Variants in SRGAP3 observed in about 807,000 individuals in gnomAD.
SRGAP3 encodes the protein SLIT-ROBO Rho GTPase activating protein 3.
Under a neutral mutation model 121.1 loss-of-function variants are expected in SRGAP3, and 39 were observed. That is an observed-to-expected ratio of 0.32 (90% CI 0.25 to 0.42). The LOEUF is 0.42. Ranked by LOEUF, SRGAP3 falls within the 10% of genes least tolerant of loss-of-function variation. SRGAP3 has a pLI of 1.00. For missense variants in SRGAP3, 1,213 were observed against 1,470.6 expected (o/e 0.82, Z 2.86); for synonymous variants, 601 against 570.0 (o/e 1.05, Z -0.77).
intron 1 of SRGAP3, among the ~76,000 whole-genome samples, chr3:9,173,841 T>C (rs771407070): frequency 1.3e-5 from 2 of 152,232 alleles, no homozygotes; most frequent in Non-Finnish European, 2.9e-5. Flanking sequence ...AAACATCTAT[T>C]GGTGTTTGCT....
chr3:9,360,008 C>T (rs2030709397), intron 1 of SRGAP3, among the ~76,000 whole-genome samples: 1 of 152,208 alleles, frequency 6.6e-6, no homozygotes, highest in African/African-American at 2.4e-5. Flanking sequence ...TAGTTCACTA[C>T]AGACTCGAAC....
intron 17 of SRGAP3, among the ~76,000 whole-genome samples, chr3:9,012,088 C>T (rs1218697502): frequency 6.6e-6 from 1 of 152,198 alleles, no homozygotes; most frequent in African/African-American, 2.4e-5. Flanking sequence ...GACTTGCTCC[C>T]TAGTGCCTCA....
intron 3 of SRGAP3, among the ~76,000 whole-genome samples, chr3:9,318,881 G>GA (rs1052505827): frequency 2.7e-5 from 4 of 150,278 alleles, no homozygotes; most frequent in Admixed American, 1.3e-4. Flanking sequence ...CGCATCTCAA[G>GA]AAAAAAAAGA....
chr3:9,258,990 C>T (rs557805807), intron 3 of SRGAP3, among the ~76,000 whole-genome samples: 8 of 152,216 alleles, frequency 5.3e-5, no homozygotes, highest in Non-Finnish European at 8.8e-5. Context: ...TCCCCATGAG[C>T]CCACGGGATT....
Position 9,057,434 on chromosome 3 carries a change from G to A in SRGAP3, c.1023+817C>T, listed in dbSNP as rs527338568. ...CATTTTCAGGTCCAGGTGATGGATC[G>A]GGAGGACTGAGAGGGATGGGGCAGA... On this transcript the variant is annotated intron_variant, in intron 7 of 21. Transcript: ENST00000383836. Among the ~76,000 whole-genome samples the A allele has an allele frequency of 2.8e-4, 43 of 152,364 alleles. 1 individual carries two copies. The highest frequency in any genetic ancestry group is 1.5e-3 in the Admixed American group (23 of 15,310).
chr3:9,175,215 T>G (rs1038603022), intron 1 of SRGAP3, among the ~76,000 whole-genome samples: 2 of 152,160 alleles, frequency 1.3e-5, no homozygotes, highest in Non-Finnish European at 2.9e-5. Context: ...AAAGAACTCA[T>G]CCATATCTCA....
chr3:9,261,922 G>T (rs1954264728), intron 3 of SRGAP3, among the ~76,000 whole-genome samples: 1 of 149,254 alleles, frequency 6.7e-6, no homozygotes, highest in South Asian at 2.1e-4. Flanking sequence ...ATTCACCAAG[G>T]TTGAAATGCA....
At chr3:9,269,798 A>G (rs1156665817) in intron 3 of SRGAP3, among the ~76,000 whole-genome samples, 2 of 152,160 alleles carry the variant, frequency 1.3e-5, no homozygotes, top group Non-Finnish European at 2.9e-5. Context: ...TTAACTCATT[A>G]CCTGTCATGG....
At chr3:9,156,322 A>G (rs1419589215) in intron 1 of SRGAP3, among the ~76,000 whole-genome samples, 6 of 151,776 alleles carry the variant, frequency 4.0e-5, no homozygotes, top group African/African-American at 1.2e-4. Context: ...TCTCAATCTC[A>G]CTCTCTGCTC....
chr3:9,070,655 G>A (rs1465830586), intron 4 of SRGAP3, among the ~76,000 whole-genome samples: 1 of 152,158 alleles, frequency 6.6e-6, no homozygotes, highest in African/African-American at 2.4e-5. Flanking sequence ...AGATAGATGG[G>A]AGAAAGGAAG....
Position 9,303,555 on chromosome 3 carries a change from C to T in SRGAP3, n.442+22455G>A, listed in dbSNP as rs181468634. ...TCTAAAACTTAATCATCTTGCATAC[C>T]TGAAATTTTATCCTTGTTGATTTAG... is the stretch of plus-strand genomic sequence containing the variant. On this transcript the variant is annotated intron_variant and non_coding_transcript_variant, in intron 3 of 3. Transcript: ENST00000490889. 1.1e-4 allele frequency among the ~76,000 whole-genome samples: 17 copies of T among 152,188 alleles called. No individual in the cohort carries two copies. In the East Asian group the frequency reaches 3.3e-3, roughly 29 times the overall value.
intron 4 of SRGAP3, among the ~76,000 whole-genome samples, chr3:9,069,467 C>T (rs1466540635): frequency 1.3e-5 from 2 of 152,104 alleles, no homozygotes; most frequent in East Asian, 1.9e-4. Context: ...CCACTTGATG[C>T]CAGGGAAGGG....
chr3:9,246,777 G>A (rs1485091295), intron 1 of SRGAP3, among the ~76,000 whole-genome samples: 2 of 152,162 alleles, frequency 1.3e-5, no homozygotes, highest in African/African-American at 4.8e-5. Context: ...ACCTGACCTT[G>A]TGGGTGTCAA....
intron 15 of SRGAP3, chr3:9,014,043 C>T (rs750467890): frequency 6.4e-5 from 41 of 641,230 alleles, no homozygotes; most frequent in Non-Finnish European, 1.0e-4. Flanking sequence ...GGAGGTGTGG[C>T]CTAATCAAGA....
At chr3:9,325,168 G>T (rs1955497553) in intron 3 of SRGAP3, among the ~76,000 whole-genome samples, 1 of 151,760 alleles carries the variant, frequency 6.6e-6, no homozygotes, top group South Asian at 2.1e-4. Flanking sequence ...TCTAGAGATG[G>T]CTGCATGCAA....
rs112437991 is a variant in SRGAP3 at position 9,003,291 on chromosome 3, A to C, written c.2227+7017T>G. 6.2e-3 allele frequency among the ~76,000 whole-genome samples: 938 copies of C among 152,232 alleles called. 13 individuals are homozygous for C. Among genetic ancestry groups the C allele is most frequent in the African/African-American group, 0.021 (891 of 41,530 alleles). On this transcript the variant is annotated intron_variant, in intron 18 of 21. Coordinates refer to ENST00000383836, the MANE Select transcript of SRGAP3 (RefSeq NM_014850.4). ...GGTCAGGAGTTTGAGATCAGCCTGC[A>C]ATATGGCAAAATCCTGTCTCTACTG... is the stretch of plus-strand genomic sequence containing the variant.
Position 9,204,026 on chromosome 3 carries a change from A to G in SRGAP3, c.67+44859T>C, listed in dbSNP as rs184661971. Among the ~76,000 whole-genome samples the G allele has an allele frequency of 3.5e-3, 532 of 152,288 alleles. 9 individuals carry two copies. The East Asian group carries it at 0.035, about 10-fold the overall frequency. On this transcript the variant is annotated intron_variant, in intron 1 of 21. Coordinates refer to ENST00000383836, the MANE Select transcript of SRGAP3 (RefSeq NM_014850.4). ...AGGAGGATGTAGATATTACCGCTAC[A>G]GTTTGACACCCTAGGAAGCACTTGT...
intron 9 of SRGAP3, among the ~76,000 whole-genome samples, chr3:9,051,429 G>C (rs182515132): frequency 4.5e-4 from 68 of 152,252 alleles, no homozygotes; most frequent in African/African-American, 1.6e-3. Flanking sequence ...ACAGGTTTGA[G>C]GAGACAGCAC....
chr3:9,052,842 G>A (rs1210194011), intron 9 of SRGAP3, among the ~76,000 whole-genome samples, 185 bp downstream of exon 9: 1 of 152,034 alleles, frequency 6.6e-6, no homozygotes, highest in Admixed American at 6.5e-5. Context: ...CTACCCATTG[G>A]GAATTCACTT....
Sources: allele counts gnomAD v4.1 joint callset (sites outside exome capture counted in the v4.1 genomes callset), GRCh38; gene constraint gnomAD v4.1.1; transcripts MANE v1.5; gene names NCBI Gene and HGNC (gene_info 2026-07-23, HGNC 2026-07-21).